Variants in VAV2 observed in about 807,000 individuals in gnomAD.
The protein encoded by VAV2 is vav guanine nucleotide exchange factor 2, also known as guanine nucleotide exchange factor VAV2.
A neutral mutation model predicts 132.5 loss-of-function variants in VAV2; 67 were observed. That is an observed-to-expected ratio of 0.51 (90% CI 0.42 to 0.62). The LOEUF (loss-of-function observed/expected upper bound fraction) is 0.62, where lower values mean the gene tolerates loss of function less well. Ranked by LOEUF, VAV2 falls within the 20% of genes least tolerant of loss-of-function variation. The probability of loss-of-function intolerance (pLI) is 0.00; values close to 1 mark genes in which losing one functional copy is unlikely to be tolerated. For synonymous variants in VAV2, 492 were observed against 443.5 expected (o/e 1.11, Z -1.37); for missense variants, 938 against 1,153.6 (o/e 0.81, Z 2.71).
intron 2 of VAV2, among the ~76,000 whole-genome samples, chr9:133,866,900 C>CGTGGGGCAGTGACATGGAAGCG (rs1379850970): frequency 1.1e-3 from 169 of 152,040 alleles, no homozygotes; most frequent in Non-Finnish European, 5.6e-4. Flanking sequence ...AGGGTGGCAG[C>CGTGGGGCAGTGACATGGAAGCG]GTGGGGCAGT....
intron 3 of VAV2, among the ~76,000 whole-genome samples, chr9:133,854,553 T>A (rs2131848486): frequency 6.6e-6 from 1 of 152,158 alleles, no homozygotes; most frequent in East Asian, 1.9e-4. Flanking sequence ...AGGCCTGGGG[T>A]GTGGAAGAGG....
chr9:133,911,419 G>A (rs1839881485), intron 2 of VAV2, among the ~76,000 whole-genome samples: 1 of 152,160 alleles, frequency 6.6e-6, no homozygotes, highest in Non-Finnish European at 1.5e-5. Flanking sequence ...TACCAGACCT[G>A]TATTAAATTT....
In VAV2 at chr9:133,769,515, C is replaced by T. The variant is rs375618230; in HGVS notation, c.2348-12G>A. 3.2e-5 allele frequency: 51 copies of T among 1,607,384 alleles called. No individual in the cohort carries two copies. Among genetic ancestry groups the T allele is most frequent in the South Asian group, 6.7e-5 (6 of 89,686 alleles). ...GGAAGCACAGGAAGCTGCAAAGAGG[C>T]GAGAGAGAACGTGAGGCGGGCAGCA... On this transcript the variant is annotated splice_polypyrimidine_tract_variant and intron_variant, in intron 27 of 29. Coordinates refer to ENST00000371850, the MANE Select transcript of VAV2 (RefSeq NM_001134398.2). The surrounding 1 kb of genome is among the most constrained non-coding windows in gnomAD (Gnocchi z 8.1).
rs184171607 is a variant in VAV2, at chr9:133,940,720, C to G, written c.205-1501G>C. ...GTGTGTGTGTGTGTTTCTGAACACT[C>G]GAGATTAACTACAGTAATGACACTC... On this transcript the variant is annotated intron_variant, in intron 1 of 29. Transcript: ENST00000371850. 4.5e-3 allele frequency among the ~76,000 whole-genome samples: 604 copies of G among 134,728 alleles called. 4 individuals carry two copies. Among genetic ancestry groups the G allele is most frequent in the African/African-American group, 0.016 (588 of 37,784 alleles). 88.4% of individuals were successfully genotyped at this position (134,728 alleles called of 152,430 possible).
chr9:133,954,386 G>T (rs1165291112), intron 1 of VAV2, among the ~76,000 whole-genome samples: 1 of 152,254 alleles, frequency 6.6e-6, no homozygotes, highest in Non-Finnish European at 1.5e-5. Flanking sequence ...AAGTGCGCGT[G>T]AGACGCCCAA....
intron 9 of VAV2, among the ~76,000 whole-genome samples, chr9:133,800,348 TCAGAGCTTCCC>T (rs1299906876): frequency 6.6e-6 from 1 of 152,216 alleles, no homozygotes; most frequent in Non-Finnish European, 1.5e-5. Flanking sequence ...CTCAAGGCTT[TCAGAGCTTCCC>T]AAGACCGCCT....
intron 2 of VAV2, among the ~76,000 whole-genome samples, chr9:133,936,007 G>A (rs925055579): frequency 6.6e-6 from 1 of 152,160 alleles, no homozygotes; most frequent in African/African-American, 2.4e-5. Flanking sequence ...CCAGAGTGGC[G>A]GGGCCCTGGG....
intron 1 of VAV2, among the ~76,000 whole-genome samples, chr9:133,957,167 G>C (rs567208): frequency 2.6e-5 from 4 of 151,920 alleles, no homozygotes; most frequent in Non-Finnish European, 5.9e-5. Context: ...ACTGAGGCTC[G>C]GCCTGGCAGT....
At position 133,763,881 on chromosome 9, in the gene VAV2, GGGCAGGCTGA is replaced by G; in HGVS notation, c.*171_*180del. On this transcript the variant is annotated 3_prime_UTR_variant, in exon 30 of 30. Coordinates refer to ENST00000371850, the MANE Select transcript of VAV2 (RefSeq NM_001134398.2). This position sits in a 1 kb window ranked among gnomAD's most constrained non-coding sequence, Gnocchi z 6.8. ...AGCATACCCAGTGATGGGTCGCCGA[GGGCAGGCTGA>G]CAGTGAAACGGTTCGAGTTTAGGAT... The G allele has an allele frequency of 9.7e-6, 7 of 718,130 alleles. No homozygotes were observed. The highest frequency in any genetic ancestry group is 1.6e-5 in the Non-Finnish European group (7 of 429,276). The allele number at this position is 718,130 out of a possible 1,614,324, so 44.5% of individuals were successfully genotyped here. A position where few individuals can be genotyped will look rare whatever the true frequency, so the allele number is the denominator to read the frequency against.
At chr9:133,767,007 A>G (rs1833460717) in intron 29 of VAV2, among the ~76,000 whole-genome samples, 1 of 151,956 alleles carries the variant, frequency 6.6e-6, no homozygotes, top group Non-Finnish European at 1.5e-5. Flanking sequence ...TAACTAACAA[A>G]CCAATGTAGG....
At chr9:133,954,937 A>G (rs2132195826) in intron 1 of VAV2, among the ~76,000 whole-genome samples, 1 of 152,148 alleles carries the variant, frequency 6.6e-6, no homozygotes. Context: ...ATGTAAACAG[A>G]TTTTTCCTGT....
Position 133,926,881 on chromosome 9 carries a change from C to T in VAV2, c.321+12222G>A, listed in dbSNP as rs1165077252. 1.3e-5 allele frequency among the ~76,000 whole-genome samples: 2 copies of T among 152,202 alleles called. No homozygotes were observed. Among genetic ancestry groups the T allele is most frequent in the East Asian group, 3.9e-4 (2 of 5,194 alleles). On this transcript the variant is annotated intron_variant, in intron 2 of 29. Transcript: ENST00000371850. This position sits in a 1 kb window ranked among gnomAD's most constrained non-coding sequence, Gnocchi z 4.3. ...GCAGAGAGGACCACCCTCCTGGCAACAGCCCCACTGTGGAGGGATGGGGAG... is the reference window on the plus strand; with the variant it reads ...GCAGAGAGGACCACCCTCCTGGCAATAGCCCCACTGTGGAGGGATGGGGAG...
At chr9:133,921,946 A>G (rs1840311039) in intron 2 of VAV2, among the ~76,000 whole-genome samples, 1 of 152,236 alleles carries the variant, frequency 6.6e-6, no homozygotes, top group Non-Finnish European at 1.5e-5. Flanking sequence ...GATGGGCAGT[A>G]GTCAGCCTGC....
Position 133,766,231 on chromosome 9 carries a change from G to A in VAV2, c.2590-2122C>T, listed in dbSNP as rs559928446. ...GGTATTTCTAGTTCTAGATCCCTGA[G>A]GAATTCCCACACTGTCTTCCACAAT... On this transcript the variant is annotated intron_variant, in intron 29 of 29. Transcript: ENST00000371850. Among the ~76,000 whole-genome samples the A allele has an allele frequency of 5.6e-4, 86 of 152,254 alleles. 1 individual carries two copies. The highest frequency in any genetic ancestry group is 2.0e-3 in the African/African-American group (83 of 41,532).
intron 3 of VAV2, among the ~76,000 whole-genome samples, chr9:133,853,695 T>C (rs368173640): frequency 8.5e-5 from 13 of 152,236 alleles, no homozygotes; most frequent in African/African-American, 2.9e-4. Flanking sequence ...CACATCAGCA[T>C]TGGCATCCCT....
At chr9:133,982,712 G>A (rs556068639) in intron 1 of VAV2, among the ~76,000 whole-genome samples, 9 of 152,328 alleles carry the variant, frequency 5.9e-5, no homozygotes, top group African/African-American at 1.4e-4. Context: ...CATAGGGCCC[G>A]CCGCCTGGTT....
Position 133,787,227 on chromosome 9 carries a change from C to G in VAV2, c.1422+19G>C. The stretch of plus-strand genomic sequence containing the variant: ...GGATGATTGAGGCAGGTGGGAGGAC[C>G]TGGGCGCTAGGTGCTTACCATTTTC... On this transcript the variant is annotated intron_variant, in intron 16 of 29. Coordinates refer to ENST00000371850, the MANE Select transcript of VAV2 (RefSeq NM_001134398.2). The G allele has an allele frequency of 6.4e-7, 1 of 1,573,390 alleles. No homozygotes were observed. Among genetic ancestry groups the G allele is most frequent in the Non-Finnish European group, 8.6e-7 (1 of 1,156,914 alleles).
rs1205767469 is a variant in VAV2 at position 133,809,158 on chromosome 9, G to A, written c.568-20C>T. On this transcript the variant is annotated intron_variant, in intron 6 of 29. Transcript: ENST00000371850. ...CATTTTCTAGAGGAGGGAAGGGGGA[G>A]TCAGCAGGACCCCATGGGCCCGGCC... is the stretch of plus-strand genomic sequence containing the variant. 2 of 1,610,226 alleles carry A rather than the reference G, an allele frequency of 1.2e-6. No homozygotes were observed. The highest frequency in any genetic ancestry group is 1.7e-5 in the Admixed American group (1 of 59,954).
At chr9:133,852,004 G>A (rs1465062399) in intron 3 of VAV2, among the ~76,000 whole-genome samples, 2 of 151,856 alleles carry the variant, frequency 1.3e-5, no homozygotes, top group Non-Finnish European at 2.9e-5. Flanking sequence ...TGGATACATG[G>A]ATGGATGGAT....
Sources: allele counts gnomAD v4.1 joint callset (sites outside exome capture counted in the v4.1 genomes callset), GRCh38; gene constraint gnomAD v4.1.1; non-coding constraint Gnocchi (gnomAD v3.1); transcripts MANE v1.5; gene names NCBI Gene and HGNC (gene_info 2026-07-23, HGNC 2026-07-21).